The following VWA8 variants were observed in gnomAD, a reference collection of about 807,000 sequenced individuals.
VWA8 encodes the protein von Willebrand factor A domain containing 8.
In VWA8, 221 loss-of-function variants were observed where a neutral mutation model predicts 241.5. That is an observed-to-expected ratio of 0.91 (90% CI 0.82 to 1.02). VWA8 has a LOEUF of 1.02. Ranked by LOEUF, VWA8 falls within the 50% of genes least tolerant of loss-of-function variation. The probability of loss-of-function intolerance (pLI) is 0.00; values close to 1 mark genes in which losing one functional copy is unlikely to be tolerated. For missense variants in VWA8, 2,322 were observed against 2,328.7 expected (o/e 1.00, Z 0.06); for synonymous variants, 852 against 827.1 (o/e 1.03, Z -0.52).
At chr13:41,775,411 A>G (rs527866883) in intron 20 of VWA8, among the ~76,000 whole-genome samples, 44 of 152,362 alleles carry the variant, frequency 2.9e-4, no homozygotes, top group African/African-American at 9.9e-4. Context: ...GGATAAGAGT[A>G]CAAGATGGCA....
At chr13:41,575,132 G>T (rs1430613408) in intron 43 of VWA8, among the ~76,000 whole-genome samples, 1 of 152,154 alleles carries the variant, frequency 6.6e-6, no homozygotes, top group Non-Finnish European at 1.5e-5. Flanking sequence ...GGAGCTGGAG[G>T]CCATTATTCT....
intron 12 of VWA8, among the ~76,000 whole-genome samples, chr13:41,836,886 CTT>C (rs1871756333): frequency 6.6e-6 from 1 of 152,160 alleles, no homozygotes; most frequent in Non-Finnish European, 1.5e-5. Context: ...TGTTCTTCCT[CTT>C]TTCAATCTTC....
chr13:41,866,025 C>A lies in VWA8; in HGVS notation c.1224G>T (p.Gly408=). Reference sequence around the variant, plus strand: ...CACAAGGTTGACTTAATAGCCTGGTCCCGGCTGGCACCTATAATTAAAGAG... The same window carrying A: ...CACAAGGTTGACTTAATAGCCTGGTACCGGCTGGCACCTATAATTAAAGAG... ...DKEVTIKVPA[G]TRLLSQPCAS... Residue 408 remains glycine, a synonymous_variant, in exon 11 of 45, where the codon GGG becomes GGT. Coordinates refer to ENST00000379310, the MANE Select transcript of VWA8 (RefSeq NM_015058.2). 1 of 1,613,976 alleles carries A rather than the reference C, an allele frequency of 6.2e-7. No homozygotes were observed. Among genetic ancestry groups the A allele is most frequent in the East Asian group, 2.2e-5 (1 of 44,876 alleles).
chr13:41,785,465 C>G (rs1039845840), intron 18 of VWA8, among the ~76,000 whole-genome samples: 5 of 149,520 alleles, frequency 3.3e-5, no homozygotes, highest in Non-Finnish European at 7.4e-5. Flanking sequence ...TTTTTTTTTT[C>G]TACTTCAAGT....
At chr13:41,797,053 CAG>C (rs1374357412) in intron 17 of VWA8, among the ~76,000 whole-genome samples, 1 of 151,902 alleles carries the variant, frequency 6.6e-6, no homozygotes, top group African/African-American at 2.4e-5. Flanking sequence ...TTTTTTGAGA[CAG>C]AGTCTTGCTC....
At chr13:41,882,818 GGGGAGAGGGAGA>G (rs144726549) in intron 9 of VWA8, among the ~76,000 whole-genome samples, 1 of 146,896 alleles carries the variant, frequency 6.8e-6, no homozygotes, top group African/African-American at 2.5e-5. Flanking sequence ...GGGAGACCGT[GGGGAGAGGGAGA>G]GGGAGAGGGA....
At chr13:41,664,389 A>ATGTGTGTGTG (rs3073033) in intron 37 of VWA8, among the ~76,000 whole-genome samples, 96 of 137,964 alleles carry the variant, frequency 7.0e-4, no homozygotes, top group African/African-American at 1.8e-3. Context: ...ACATGCTTTG[A>ATGTGTGTGTG]TGTGTGTGTG....
rs71096546 is a variant in VWA8 at position 41,829,530 on chromosome 13, TACACACACAC to T, written c.1700+989_1700+998del. Among the ~76,000 whole-genome samples, 1,260 of 139,828 alleles carry T rather than the reference TACACACACAC, an allele frequency of 9.0e-3. 14 individuals are homozygous for T. Among genetic ancestry groups the T allele is most frequent in the African/African-American group, 0.03 (1,152 of 38,886 alleles). 91.7% of individuals were successfully genotyped at this position (139,828 alleles called of 152,430 possible). On this transcript the variant is annotated intron_variant, in intron 14 of 44. Transcript: ENST00000379310. ...CAACGAGTGGATAAAGGAAATGTGA[TACACACACAC>T]ACACACACACACACACACACACACA... is the stretch of plus-strand genomic sequence containing the variant.
At chr13:41,911,993 T>C in intron 3 of VWA8, 45 bp downstream of exon 3, 2 of 1,453,806 alleles carry the variant, frequency 1.4e-6, no homozygotes, top group Admixed American at 2.3e-5. Flanking sequence ...TTTCATAGCT[T>C]ACAAAGTTAA....
chr13:41,786,672 TA>T (rs202236201), intron 18 of VWA8, among the ~76,000 whole-genome samples: 2,124 of 152,132 alleles, frequency 0.014, 14 homozygotes, highest in East Asian at 0.019. Flanking sequence ...AATTTGACTC[TA>T]AAAAAAATCT....
At chr13:41,571,022 T>C (rs2044297932) in intron 43 of VWA8, among the ~76,000 whole-genome samples, 2 of 152,102 alleles carry the variant, frequency 1.3e-5, no homozygotes, top group African/African-American at 4.8e-5. Context: ...TGGTATCACA[T>C]TGGAGGATGC....
chr13:41,889,598 T>G (rs748965294), intron 5 of VWA8, among the ~76,000 whole-genome samples: 2 of 152,100 alleles, frequency 1.3e-5, no homozygotes, highest in African/African-American at 2.4e-5. Context: ...AGGCTGATCT[T>G]GAACTCCTGA....
At chr13:41,925,892 C>G in intron 2 of VWA8, 1 of 366,898 alleles carries the variant, frequency 2.7e-6, no homozygotes, top group Non-Finnish European at 5.5e-6. Flanking sequence ...CACACAAGTT[C>G]CATGCAGACA....
chr13:41,927,238 G>A, intron 2 of VWA8: 1 of 479,952 alleles, frequency 2.1e-6, no homozygotes, highest in Non-Finnish European at 4.3e-6. Context: ...TTTCTCAAAA[G>A]ATTCCAACAA....
chr13:41,778,334 T>C (rs1329826617), intron 19 of VWA8, among the ~76,000 whole-genome samples: 1 of 152,174 alleles, frequency 6.6e-6, no homozygotes, highest in Non-Finnish European at 1.5e-5. Flanking sequence ...TTTTTTTACC[T>C]ATTATACTAT....
At chr13:41,647,115 C>T (rs746340206) in intron 37 of VWA8, among the ~76,000 whole-genome samples, 4 of 152,154 alleles carry the variant, frequency 2.6e-5, no homozygotes, top group Non-Finnish European at 4.4e-5. Flanking sequence ...GCTTTACTAA[C>T]AGTAGCAGTA....
intron 16 of VWA8, among the ~76,000 whole-genome samples, chr13:41,812,545 G>C (rs1323289281): frequency 6.6e-6 from 1 of 152,092 alleles, no homozygotes; most frequent in Non-Finnish European, 1.5e-5. Flanking sequence ...AGGGGAGAAT[G>C]TCAAAGACAC....
chr13:41,650,501 AT>A (rs1298838457), intron 37 of VWA8, among the ~76,000 whole-genome samples: 3 of 152,198 alleles, frequency 2.0e-5, no homozygotes, highest in East Asian at 3.9e-4. Context: ...GAGTGAGCTC[AT>A]TTACAGATAC....
intron 12 of VWA8, among the ~76,000 whole-genome samples, chr13:41,853,598 A>C (rs1364281231): frequency 6.6e-6 from 1 of 151,996 alleles, no homozygotes; most frequent in African/African-American, 2.4e-5. Context: ...TTCATGATTC[A>C]GTCTTGGTAG....
Sources: allele counts gnomAD v4.1 joint callset (sites outside exome capture counted in the v4.1 genomes callset), GRCh38; gene constraint gnomAD v4.1.1; transcripts MANE v1.5; gene names NCBI Gene and HGNC (gene_info 2026-07-23, HGNC 2026-07-21).